The following NCOA2 variants were observed in gnomAD, a reference collection of about 807,000 sequenced individuals.
NCOA2 encodes the protein nuclear receptor coactivator 2, also known as class E basic helix-loop-helix protein 75.
NCOA2 carries 21 observed loss-of-function variants against 145.1 expected under a neutral mutation model. That is an observed-to-expected ratio of 0.14 (90% CI 0.10 to 0.21). The LOEUF is 0.21. NCOA2 is among the 10% of genes least tolerant of loss of function. The probability of loss-of-function intolerance (pLI) is 1.00; values close to 1 mark genes in which losing one functional copy is unlikely to be tolerated. For missense variants in NCOA2, 1,472 were observed against 1,837.6 expected (o/e 0.80, Z 3.64); for synonymous variants, 619 against 637.5 (o/e 0.97, Z 0.44).
chr8:70,205,920 C>T (rs1167797038), intron 4 of NCOA2, among the ~76,000 whole-genome samples: 1 of 152,186 alleles, frequency 6.6e-6, no homozygotes, highest in African/African-American at 2.4e-5. Context: ...AAGTATTACT[C>T]CCCTGGGCAC....
chr8:70,201,483 C>T (rs1042773350), intron 4 of NCOA2, among the ~76,000 whole-genome samples: 4 of 152,192 alleles, frequency 2.6e-5, no homozygotes, highest in Non-Finnish European at 5.9e-5. Context: ...AACACTATTA[C>T]TGTTGCCCCG....
chr8:70,134,689 T>G (rs1014098125), intron 15 of NCOA2, among the ~76,000 whole-genome samples: 7 of 152,210 alleles, frequency 4.6e-5, no homozygotes, highest in Non-Finnish European at 8.8e-5. Flanking sequence ...AGCCAAATGC[T>G]TAATAACAAA....
the NCOA2 span, among the ~76,000 whole-genome samples, chr8:70,451,212 C>T: frequency 2.5e-5 from 2 of 79,858 alleles, no homozygotes; most frequent in African/African-American, 1.1e-4. Flanking sequence ...AGCAAGACTC[C>T]GTCTCAAAAA....
At chr8:70,321,254 T>C (rs969946396) in intron 1 of NCOA2, among the ~76,000 whole-genome samples, 1 of 152,172 alleles carries the variant, frequency 6.6e-6, no homozygotes, top group Non-Finnish European at 1.5e-5. Flanking sequence ...CACATAAAGT[T>C]TTCAAAATGA....
chr8:70,235,678 T>C (rs1053615814), intron 2 of NCOA2, among the ~76,000 whole-genome samples: 1 of 151,916 alleles, frequency 6.6e-6, no homozygotes, highest in Non-Finnish European at 1.5e-5. Context: ...ACCTTGTCTC[T>C]ACAAAAAGAT....
intron 1 of NCOA2, among the ~76,000 whole-genome samples, chr8:70,329,380 G>C (rs147462966): frequency 6.6e-6 from 1 of 152,228 alleles, no homozygotes; most frequent in East Asian, 1.9e-4. Flanking sequence ...CCAAGTGCTG[G>C]AATTACAGGC....
At chr8:70,428,328 C>T in the NCOA2 span, among the ~76,000 whole-genome samples, 14 of 152,160 alleles carry the variant, frequency 9.2e-5, no homozygotes, top group South Asian at 2.1e-4. Flanking sequence ...GGCATGATGG[C>T]ATGCACCTAT....
At chr8:70,143,381 A>G (rs942626403) in intron 13 of NCOA2, among the ~76,000 whole-genome samples, 5 of 152,210 alleles carry the variant, frequency 3.3e-5, no homozygotes, top group African/African-American at 1.2e-4. Flanking sequence ...ACAAGAACTC[A>G]TATCTTCTTG....
chr8:70,455,280 G>C, the NCOA2 span, among the ~76,000 whole-genome samples: 1 of 152,170 alleles, frequency 6.6e-6, no homozygotes, highest in African/African-American at 2.4e-5. Flanking sequence ...GAGTTAAGCA[G>C]GTTGCATGTA....
chr8:70,135,889 C>T (rs756953055), intron 15 of NCOA2, among the ~76,000 whole-genome samples: 31 of 151,994 alleles, frequency 2.0e-4, no homozygotes, highest in East Asian at 3.8e-4. Context: ...TCATTAAGTA[C>T]GGGACTAAGA....
intron 4 of NCOA2, among the ~76,000 whole-genome samples, chr8:70,206,365 TTCTAAG>T (rs1216305084): frequency 2.6e-5 from 4 of 152,168 alleles, no homozygotes; most frequent in Admixed American, 6.5e-5. Flanking sequence ...CTCCTGCTCC[TTCTAAG>T]TCTATTTAAA....
At chr8:70,171,583 A>G (rs1188827597) in intron 5 of NCOA2, among the ~76,000 whole-genome samples, 1 of 152,234 alleles carries the variant, frequency 6.6e-6, no homozygotes, top group Admixed American at 6.5e-5. Flanking sequence ...AGTGATCAGG[A>G]CTGAAAGCTT....
At chr8:70,174,993 T>A in intron 4 of NCOA2, 134 bp from the exon 5 acceptor site, 1 of 754,944 alleles carries the variant, frequency 1.3e-6, no homozygotes, top group Admixed American at 2.2e-5. Flanking sequence ...TTACAGTACA[T>A]CCCTGTTGCC....
At chr8:70,283,493 A>G (rs1826029732) in intron 2 of NCOA2, among the ~76,000 whole-genome samples, 2 of 152,202 alleles carry the variant, frequency 1.3e-5, no homozygotes, top group African/African-American at 4.8e-5. Context: ...AAGTGGGTGA[A>G]TTACCGACTC....
chr8:70,192,532 G>A (rs1445422134), intron 4 of NCOA2, among the ~76,000 whole-genome samples: 1 of 152,200 alleles, frequency 6.6e-6, no homozygotes, highest in Admixed American at 6.5e-5. Context: ...CTGCTCCTAA[G>A]AGTCTTGCCT....
intron 1 of NCOA2, among the ~76,000 whole-genome samples, chr8:70,315,001 T>C (rs1422714849): frequency 6.6e-6 from 1 of 152,176 alleles, no homozygotes; most frequent in Non-Finnish European, 1.5e-5. Context: ...CTCCAACATG[T>C]TCAATAAAAT....
At chr8:70,416,140 C>G in the NCOA2 span, among the ~76,000 whole-genome samples, 16 of 150,876 alleles carry the variant, frequency 1.1e-4, no homozygotes, top group Non-Finnish European at 1.5e-4. Context: ...AGTCTTCAGT[C>G]TGAAGGAAGT....
At position 70,141,289 on chromosome 8, in the gene NCOA2, G is replaced by A; in HGVS notation, c.2923C>T (p.Pro975Ser). The A allele has an allele frequency of 6.2e-7, 1 of 1,613,926 alleles. No homozygotes were observed. Residue 975 changes from proline to serine, a missense_variant, in exon 14 of 23, where the codon CCA becomes TCA. By Grantham distance (74) the Pro-to-Ser change is moderately conservative. Coordinates refer to ENST00000452400, the MANE Select transcript of NCOA2 (RefSeq NM_006540.4). ...CAATTSAMNR[P>S]VQGGMIRNPA... Reference sequence around the variant, plus strand: ...TTCCGAATCATACCTCCTTGGACTGGCCGGTTCATGGCACTGGTGGTAGCA... The same window carrying A: ...TTCCGAATCATACCTCCTTGGACTGACCGGTTCATGGCACTGGTGGTAGCA...
intron 4 of NCOA2, among the ~76,000 whole-genome samples, chr8:70,210,049 C>A (rs886784472): frequency 6.6e-6 from 1 of 152,136 alleles, no homozygotes; most frequent in Non-Finnish European, 1.5e-5. Context: ...AAAGAAATAT[C>A]CTACTTCAGT....
Sources: gnomAD v4.1 joint callset for allele counts (sites outside exome capture counted in the v4.1 genomes callset) on GRCh38, gnomAD v4.1.1 for gene constraint, MANE v1.5 for transcripts, NCBI Gene and HGNC (gene_info 2026-07-23, HGNC 2026-07-21) for gene names.